Variants in PIGK observed in about 807,000 individuals in gnomAD.
PIGK encodes the protein phosphatidylinositol glycan anchor biosynthesis class K.
In PIGK, 42 loss-of-function variants were observed where a neutral mutation model predicts 50.6. The observed-to-expected ratio is 0.83, with a 90% CI of 0.65 to 1.07. PIGK has a LOEUF of 1.07. PIGK is among the 50% of genes least tolerant of loss of function. The probability of loss-of-function intolerance (pLI) is 0.00; values close to 1 mark genes in which losing one functional copy is unlikely to be tolerated. For synonymous variants in PIGK, 151 were observed against 156.0 expected, an observed-to-expected ratio of 0.97 and a Z score of 0.24; for missense variants, 448 against 488.7, an observed-to-expected ratio of 0.92 and a Z score of 0.78.
chr1:77,203,200 A>G (rs1656210724), intron 3 of PIGK, among the ~76,000 whole-genome samples: 1 of 152,210 alleles, frequency 6.6e-6, no homozygotes, highest in African/African-American at 2.4e-5. Context: ...GGAAACTTTC[A>G]GGAGTGATTG....
rs1182019429 is a variant in PIGK, at chr1:77,126,715, C to G, written c.987-4356G>C. On this transcript the variant is annotated intron_variant, in intron 9 of 10. Transcript: ENST00000370812. ...TTGCAAATCATTATTAGTCAGGTCT[C>G]TGACAAACCATATATAATTCAGAAT... 2.0e-5 allele frequency among the ~76,000 whole-genome samples: 3 copies of G among 152,276 alleles called. No homozygotes were observed. The East Asian group carries it at 5.8e-4, about 29-fold the overall frequency.
intron 9 of PIGK, 57 bp from the exon 10 acceptor site, chr1:77,122,416 C>A (rs2100528446): frequency 6.7e-6 from 6 of 896,006 alleles, no homozygotes; most frequent in East Asian, 5.0e-5. Context: ...TGAAATATAG[C>A]AAATATTTAA....
intron 3 of PIGK, among the ~76,000 whole-genome samples, chr1:77,193,392 G>T (rs1174740136): frequency 1.3e-5 from 2 of 152,194 alleles, no homozygotes; most frequent in Admixed American, 1.3e-4. Flanking sequence ...TGCCACACTG[G>T]AGTTTGTGCC....
chr1:77,189,926 A>G (rs970310862), intron 3 of PIGK, among the ~76,000 whole-genome samples: 2 of 151,790 alleles, frequency 1.3e-5, no homozygotes, highest in Non-Finnish European at 2.9e-5. Context: ...TATGAGCTAT[A>G]TGTTATTATC....
chr1:77,177,145 T>C (rs1178410006), intron 3 of PIGK, among the ~76,000 whole-genome samples: 1 of 152,242 alleles, frequency 6.6e-6, no homozygotes. Flanking sequence ...GCTGACGTTA[T>C]AATGTAGACT....
intron 6 of PIGK, among the ~76,000 whole-genome samples, chr1:77,162,964 A>C (rs1021276171): frequency 6.6e-6 from 1 of 152,150 alleles, no homozygotes; most frequent in Admixed American, 6.5e-5. Flanking sequence ...CAAGTTATTT[A>C]ATCTTTCTGT....
intron 10 of PIGK, among the ~76,000 whole-genome samples, chr1:77,103,009 C>T (rs1168864670): frequency 1.3e-5 from 2 of 152,058 alleles, no homozygotes; most frequent in Non-Finnish European, 2.9e-5. Context: ...AAGTAAAGTC[C>T]AGTTGTTTGT....
At chr1:77,137,087 G>T (rs1654535531) in intron 9 of PIGK, among the ~76,000 whole-genome samples, 1 of 152,142 alleles carries the variant, frequency 6.6e-6, no homozygotes, top group Non-Finnish European at 1.5e-5. Flanking sequence ...ACAATAGGAT[G>T]CAGCAAGAAT....
chr1:77,122,258 T>C lies in PIGK; in HGVS notation c.1071+17A>G. On this transcript the variant is annotated intron_variant, in intron 10 of 10. Transcript: ENST00000370812. The stretch of plus-strand genomic sequence containing the variant: ...AAAAATCTTGTTTCTTTCAAAAGAA[T>C]AAAATGAAATGCAAACCTGGTGTAT... 1 of 1,472,212 alleles carries C rather than the reference T, an allele frequency of 6.8e-7. No homozygotes were observed. Among genetic ancestry groups the C allele is most frequent in the Non-Finnish European group, 9.5e-7 (1 of 1,056,918 alleles). The allele number at this position is 1,472,212 out of a possible 1,614,324, so 91.2% of individuals were successfully genotyped here. A position where few individuals can be genotyped will look rare whatever the true frequency, so the allele number is the denominator to read the frequency against.
intron 10 of PIGK, among the ~76,000 whole-genome samples, chr1:77,108,906 G>T (rs1380373406): frequency 2.6e-5 from 4 of 152,080 alleles, no homozygotes; most frequent in Admixed American, 2.0e-4. Flanking sequence ...GTGTGCATTT[G>T]TCACGTAGTT....
chr1:77,157,046 T>C lies in PIGK; in HGVS notation c.814-2425A>G, dbSNP rs145826132. On this transcript the variant is annotated intron_variant, in intron 8 of 10. Transcript: ENST00000370812. ...TCCAGACATTTCACATAACAAGTAA[T>C]GTTTTATAAATGTGCTCTTCAACTG... Among the ~76,000 whole-genome samples, 719 of 152,288 alleles carry C rather than the reference T, an allele frequency of 4.7e-3. 4 individuals are homozygous for C. The highest frequency in any genetic ancestry group is 0.027 in the Middle Eastern group (8 of 294).
At chr1:77,150,859 T>C (rs922219842) in intron 9 of PIGK, among the ~76,000 whole-genome samples, 4 of 151,740 alleles carry the variant, frequency 2.6e-5, no homozygotes, top group Non-Finnish European at 5.9e-5. Flanking sequence ...TAGTAAAAAA[T>C]CTCCCATCAA....
At chr1:77,120,020 C>A (rs541681793) in intron 10 of PIGK, among the ~76,000 whole-genome samples, 161 of 152,190 alleles carry the variant, frequency 1.1e-3, no homozygotes, top group Non-Finnish European at 1.9e-3. Flanking sequence ...ATAAGTAACT[C>A]TATTTTAAAT....
intron 1 of PIGK, among the ~76,000 whole-genome samples, chr1:77,211,495 G>C (rs1656420932): frequency 1.3e-5 from 2 of 151,892 alleles, no homozygotes; most frequent in African/African-American, 4.8e-5. Context: ...AGGTAAAAAT[G>C]CATATGCCAG....
chr1:77,194,129 TAAGATACCA>T (rs1242983095), intron 3 of PIGK, among the ~76,000 whole-genome samples: 5 of 152,144 alleles, frequency 3.3e-5, no homozygotes, highest in Non-Finnish European at 7.4e-5. Context: ...AAAACCACAG[TAAGATACCA>T]TCTCATGCCA....
chr1:77,115,201 G>A (rs1379319324), intron 10 of PIGK, among the ~76,000 whole-genome samples: 1 of 152,124 alleles, frequency 6.6e-6, no homozygotes, highest in Non-Finnish European at 1.5e-5. Context: ...GTCATATAAT[G>A]TAAAGAGCTA....
chr1:77,129,755 T>C (rs1654325862), intron 9 of PIGK: 6 of 833,898 alleles, frequency 7.2e-6, no homozygotes, highest in Non-Finnish European at 1.0e-5. Flanking sequence ...TATCTGGCCC[T>C]TTACAGAAAA....
intron 3 of PIGK, among the ~76,000 whole-genome samples, chr1:77,172,784 C>T (rs907038371): frequency 1.3e-5 from 2 of 151,762 alleles, no homozygotes; most frequent in Non-Finnish European, 2.9e-5. Context: ...ATTAGCCGGG[C>T]GTGATGGCAG....
intron 10 of PIGK, among the ~76,000 whole-genome samples, chr1:77,118,734 A>T (rs899840357): frequency 6.6e-6 from 1 of 152,276 alleles, no homozygotes; most frequent in East Asian, 1.9e-4. Context: ...TGATCTTTTA[A>T]TTTCCCATTG....
Sources: allele counts gnomAD v4.1 joint callset (sites outside exome capture counted in the v4.1 genomes callset), GRCh38; gene constraint gnomAD v4.1.1; transcripts MANE v1.5; gene names NCBI Gene and HGNC (gene_info 2026-07-23, HGNC 2026-07-21).